SLC25A26: variants seen among roughly 807,000 people sequenced by gnomAD.
The protein encoded by SLC25A26 is solute carrier family 25 member 26.
In SLC25A26, 36 loss-of-function variants were observed where a neutral mutation model predicts 37.8. The observed-to-expected ratio is 0.95, with a 90% CI of 0.73 to 1.26. SLC25A26 has a LOEUF of 1.26. SLC25A26 is among the 50% of genes most tolerant of loss of function. The pLI is 0.00. For synonymous variants in SLC25A26, 129 were observed against 122.5 expected, an observed-to-expected ratio of 1.05 and a Z score of -0.35; for missense variants, 390 against 331.1, an observed-to-expected ratio of 1.18 and a Z score of -1.38.
chr3:66,345,487 C>G (rs1427772682), intron 5 of SLC25A26, among the ~76,000 whole-genome samples: 2 of 151,586 alleles, frequency 1.3e-5, no homozygotes, highest in East Asian at 3.9e-4. Context: ...CTGTCCTCCT[C>G]CTCTCTGCCC....
At chr3:66,143,927 C>T (rs192558591) in intron 1 of SLC25A26, among the ~76,000 whole-genome samples, 2 of 152,160 alleles carry the variant, frequency 1.3e-5, no homozygotes, top group East Asian at 3.9e-4. Flanking sequence ...AAGCCTTAAA[C>T]CAAGTGGGGA....
intron 1 of SLC25A26, among the ~76,000 whole-genome samples, chr3:66,181,344 T>G (rs986696047): frequency 2.4e-4 from 37 of 152,302 alleles, no homozygotes; most frequent in East Asian, 7.7e-4. Context: ...GCAAATTACT[T>G]TGTGTCTTTA....
rs563647483 is a variant in SLC25A26 at position 66,352,843 on chromosome 3, C to T, written c.498+6435C>T. ...TACTCAGGCCTTAGATCACATGTCACCTCAGAGAGACGTTCCCGGTCTACC... is the reference window on the plus strand; with the variant it reads ...TACTCAGGCCTTAGATCACATGTCATCTCAGAGAGACGTTCCCGGTCTACC... On this transcript the variant is annotated intron_variant, in intron 6 of 9. Transcript: ENST00000354883. Among the ~76,000 whole-genome samples, 10 of 152,240 alleles carry T rather than the reference C, an allele frequency of 6.6e-5. No individual in the cohort carries two copies. In the South Asian group the frequency reaches 1.9e-3, roughly 28 times the overall value.
intron 9 of SLC25A26, among the ~76,000 whole-genome samples, chr3:66,377,336 A>G (rs1700723512): frequency 6.6e-6 from 1 of 152,118 alleles, no homozygotes; most frequent in Non-Finnish European, 1.5e-5. Flanking sequence ...ACAAAATGCA[A>G]CTGAGTCAGT....
At position 66,221,050 on chromosome 3, in the gene SLC25A26, T is replaced by G; in HGVS notation, c.-45T>G. 3 of 1,535,242 alleles carry G rather than the reference T, an allele frequency of 2.0e-6. No homozygotes were observed. Among genetic ancestry groups the G allele is most frequent in the Non-Finnish European group, 2.6e-6 (3 of 1,145,626 alleles). The stretch of plus-strand genomic sequence containing the variant: ...CCCAGCGCGCGAGGACGTGATCCGC[T>G]TCTGCTCCGGCTTGGATTGTAGCCT... On this transcript the variant is annotated 5_prime_UTR_variant, in exon 1 of 10. Transcript: ENST00000354883.
At chr3:66,244,524 C>A (rs2072734439) in intron 3 of SLC25A26, among the ~76,000 whole-genome samples, 1 of 152,138 alleles carries the variant, frequency 6.6e-6, no homozygotes, top group African/African-American at 2.4e-5. Flanking sequence ...CTTTTTCAAG[C>A]ATAATTGGAA....
chr3:66,307,606 A>T (rs2075263324), intron 5 of SLC25A26, among the ~76,000 whole-genome samples: 1 of 152,136 alleles, frequency 6.6e-6, no homozygotes, highest in African/African-American at 2.4e-5. Flanking sequence ...GGTATTACCT[A>T]GGTTTTCTTC....
intron 6 of SLC25A26, among the ~76,000 whole-genome samples, chr3:66,358,880 A>G (rs746855061): frequency 6.6e-5 from 10 of 152,212 alleles, no homozygotes; most frequent in Non-Finnish European, 1.3e-4. Context: ...AGTGCTTCAC[A>G]CCTGGAATGT....
intron 1 of SLC25A26, among the ~76,000 whole-genome samples, chr3:66,175,952 T>C (rs994844701): frequency 1.3e-5 from 2 of 152,088 alleles, no homozygotes; most frequent in African/African-American, 2.4e-5. Context: ...TTATCACCCA[T>C]ACAGACATGG....
intron 5 of SLC25A26, among the ~76,000 whole-genome samples, chr3:66,291,349 C>T (rs115965769): frequency 0.017 from 2,613 of 152,098 alleles, 76 homozygotes; most frequent in African/African-American, 0.06. Flanking sequence ...CTTCTGCTAG[C>T]GTTTGAATTT....
chr3:66,255,863 G>C (rs530373486), intron 3 of SLC25A26, among the ~76,000 whole-genome samples: 75 of 152,298 alleles, frequency 4.9e-4, no homozygotes, highest in African/African-American at 1.7e-3. Context: ...TCATGCCACA[G>C]TTGTCACCCA....
At chr3:66,277,830 T>G (rs2074208803) in intron 5 of SLC25A26, among the ~76,000 whole-genome samples, 1 of 152,140 alleles carries the variant, frequency 6.6e-6, no homozygotes, top group Admixed American at 6.6e-5. Context: ...ACAATGTCAC[T>G]TCTTTGGTCT....
intron 3 of SLC25A26, among the ~76,000 whole-genome samples, chr3:66,254,464 G>C (rs1325039494): frequency 6.6e-6 from 1 of 152,188 alleles, no homozygotes; most frequent in Non-Finnish European, 1.5e-5. Context: ...GTTTGCTCTG[G>C]AAAGTCCAAA....
chr3:66,356,668 A>T (rs2107783709), intron 6 of SLC25A26, among the ~76,000 whole-genome samples: 1 of 152,248 alleles, frequency 6.6e-6, no homozygotes, highest in African/African-American at 2.4e-5. Flanking sequence ...TTGCTCTGTC[A>T]CCCAGGCTGG....
intron 6 of SLC25A26, among the ~76,000 whole-genome samples, chr3:66,358,680 TG>T (rs1428027473): frequency 6.6e-6 from 1 of 152,200 alleles, no homozygotes; most frequent in Non-Finnish European, 1.5e-5. Flanking sequence ...TTCTTAGAGA[TG>T]GGATCTCACT....
intron 1 of SLC25A26, among the ~76,000 whole-genome samples, chr3:66,158,233 C>A (rs190286641): frequency 6.6e-6 from 1 of 152,308 alleles, no homozygotes. Flanking sequence ...TTATGCCTGG[C>A]TTCTTTAACT....
At chr3:66,180,882 T>C (rs2070691082) in intron 1 of SLC25A26, among the ~76,000 whole-genome samples, 1 of 152,018 alleles carries the variant, frequency 6.6e-6, no homozygotes, top group South Asian at 2.1e-4. Flanking sequence ...GTAATTAAGG[T>C]TTAATGAGCT....
intron 3 of SLC25A26, among the ~76,000 whole-genome samples, chr3:66,246,595 G>T (rs920592115): frequency 6.6e-6 from 1 of 152,114 alleles, no homozygotes; most frequent in Non-Finnish European, 1.5e-5. Flanking sequence ...CATGGGAGGT[G>T]GGGTAGGTAG....
chr3:66,271,485 A>G (rs931587124), intron 5 of SLC25A26, among the ~76,000 whole-genome samples: 1 of 152,164 alleles, frequency 6.6e-6, no homozygotes, highest in East Asian at 1.9e-4. Context: ...GGGGAAGGGC[A>G]TGAGGCAGTA....
Sources: gnomAD v4.1 joint callset for allele counts (sites outside exome capture counted in the v4.1 genomes callset) on GRCh38, gnomAD v4.1.1 for gene constraint, MANE v1.5 for transcripts, NCBI Gene and HGNC (gene_info 2026-07-23, HGNC 2026-07-21) for gene names.